The following SHISA6 variants were observed in gnomAD, a reference collection of about 807,000 sequenced individuals.
The protein encoded by SHISA6 is shisa family member 6.
SHISA6 carries 22 observed loss-of-function variants against 47.9 expected under a neutral mutation model. The observed-to-expected ratio is 0.46, with a 90% CI of 0.33 to 0.66. The LOEUF (loss-of-function observed/expected upper bound fraction) is 0.66, where lower values mean the gene tolerates loss of function less well. Among genes scored for constraint, SHISA6 ranks in the 30% least tolerant of loss-of-function variants. The pLI is 0.02. For synonymous variants in SHISA6, 388 were observed against 337.8 expected, an observed-to-expected ratio of 1.15 and a Z score of -1.63; for missense variants, 680 against 764.6, an observed-to-expected ratio of 0.89 and a Z score of 1.30.
chr17:11,477,300 A>G lies in SHISA6; in HGVS notation c.896-74596A>G, dbSNP rs995804418. ...AGTTGGATTAGTATCTACCATATTT[A>G]TTACAGTTTTCTGTGTTGTTCTTTA... On this transcript the variant is annotated intron_variant, in intron 3 of 5. Coordinates refer to ENST00000441885, the MANE Select transcript of SHISA6 (RefSeq NM_207386.4). 1.8e-4 allele frequency among the ~76,000 whole-genome samples: 25 copies of G among 139,410 alleles called. No homozygotes were observed. The South Asian group carries it at 5.1e-3, about 29-fold the overall frequency. The allele number at this position is 139,410 out of a possible 152,430, so 91.5% of individuals were successfully genotyped here.
At chr17:11,290,989 A>G (rs1180764892) in intron 2 of SHISA6, among the ~76,000 whole-genome samples, 2 of 150,870 alleles carry the variant, frequency 1.3e-5, no homozygotes, top group African/African-American at 4.8e-5. Flanking sequence ...TTTAATAATA[A>G]ATTTATTAAT....
intron 2 of SHISA6, among the ~76,000 whole-genome samples, chr17:11,268,814 T>A (rs924181603): frequency 5.9e-5 from 9 of 152,220 alleles, no homozygotes; most frequent in African/African-American, 2.2e-4. Context: ...CAGGGAATGA[T>A]GAAAGATGAC....
chr17:11,508,030 A>G (rs1214111264), intron 3 of SHISA6, among the ~76,000 whole-genome samples: 1 of 152,232 alleles, frequency 6.6e-6, no homozygotes, highest in Non-Finnish European at 1.5e-5. Flanking sequence ...AACTACTTTC[A>G]GACACACCAA....
intron 3 of SHISA6, among the ~76,000 whole-genome samples, chr17:11,399,762 G>C (rs192006179): frequency 6.6e-6 from 1 of 152,104 alleles, no homozygotes; most frequent in African/African-American, 2.4e-5. Flanking sequence ...AGGAGGACAG[G>C]AATCAGAAAA....
intron 2 of SHISA6, among the ~76,000 whole-genome samples, chr17:11,332,432 G>A (rs1410883417): frequency 3.3e-5 from 5 of 152,148 alleles, no homozygotes; most frequent in Admixed American, 2.0e-4. Context: ...GAATAAACAT[G>A]CACTGTAATC....
At chr17:11,419,906 TAGA>T (rs949626151) in intron 3 of SHISA6, among the ~76,000 whole-genome samples, 2 of 152,254 alleles carry the variant, frequency 1.3e-5, no homozygotes, top group African/African-American at 4.8e-5. Context: ...AAAGGTGAAA[TAGA>T]AGAAGTACAA....
intron 3 of SHISA6, among the ~76,000 whole-genome samples, chr17:11,445,178 G>T (rs1915196519): frequency 6.6e-6 from 1 of 152,006 alleles, no homozygotes; most frequent in African/African-American, 2.4e-5. Context: ...TCCTTACATG[G>T]CAGAAAAAAG....
Position 11,379,423 on chromosome 17 carries a change from G to T in SHISA6, c.809G>T (p.Gly270Val). The T allele has an allele frequency of 2.6e-6, 4 of 1,538,284 alleles. No individual in the cohort carries two copies. The highest frequency in any genetic ancestry group is 3.5e-6 in the Non-Finnish European group (4 of 1,141,424). ...CCCCATCTTCTTGCAGGGCATTATG[G>T]GAAGGATGCTTACCGAAGTGGAGGA... Reference protein sequence around the residue: ...RTAKQTPGHYGKDAYRSGGPD... With the variant: ...RTAKQTPGHYVKDAYRSGGPD... Residue 270 changes from glycine (G) to valine (V), a missense_variant, in exon 3 of 6, where the codon GGG becomes GTG. Physicochemically the swap from Gly to Val is moderately radical, Grantham distance 109. Around this residue, in one of 2 missense-constraint regions of SHISA6, gnomAD observed 559 missense variants for 674.1 expected, o/e 0.83. Coordinates refer to ENST00000441885, the MANE Select transcript of SHISA6 (RefSeq NM_207386.4).
Position 11,558,291 on chromosome 17 carries a change from A to C in SHISA6, c.1643A>C (p.Glu548Ala). 1 of 1,538,546 alleles carries C rather than the reference A, an allele frequency of 6.5e-7. No homozygotes were observed. The highest frequency in any genetic ancestry group is 8.7e-7 in the Non-Finnish European group (1 of 1,146,654). ...ACCTGCTACACAGCCAGCAAGACCG[A>C]AGTGACCGTGTGACCGGCGGGGCAG... The part of the protein sequence containing the change: ...HHTCYTASKT[E>A]VTV The change falls in exon 6 of 6, where the codon GAA (glutamate) becomes GCA (alanine). Residue 548 changes from glutamate to alanine, a missense_variant. This residue lies in a region of SHISA6 where 559 missense variants were observed against 674.1 expected (regional missense o/e 0.83). Transcript: ENST00000441885.
At chr17:11,313,092 C>A (rs1461419822) in intron 2 of SHISA6, among the ~76,000 whole-genome samples, 1 of 152,152 alleles carries the variant, frequency 6.6e-6, no homozygotes, top group Non-Finnish European at 1.5e-5. Context: ...TTGTGTAAGC[C>A]AGTTCAAATC....
At chr17:11,446,069 G>C (rs1401085471) in intron 3 of SHISA6, among the ~76,000 whole-genome samples, 1 of 151,972 alleles carries the variant, frequency 6.6e-6, no homozygotes, top group East Asian at 1.9e-4. Flanking sequence ...CTCGTGATCC[G>C]CCCGCCTCGG....
chr17:11,353,961 C>T (rs1007699043), intron 2 of SHISA6, among the ~76,000 whole-genome samples: 2 of 152,076 alleles, frequency 1.3e-5, no homozygotes, highest in African/African-American at 2.4e-5. Context: ...ACCCCCTACT[C>T]CAGGGGTTTC....
rs552938935 is a variant in SHISA6 at position 11,341,853 on chromosome 17, G to C, written c.800-37561G>C. 2.0e-5 allele frequency among the ~76,000 whole-genome samples: 3 copies of C among 152,284 alleles called. No individual in the cohort carries two copies. The South Asian group carries it at 6.2e-4, about 32-fold the overall frequency. The stretch of plus-strand genomic sequence containing the variant: ...GATGTCATTTATAACAGATTATCAG[G>C]AGGAAGACTGTATATTTAGCTACTG... On this transcript the variant is annotated intron_variant, in intron 2 of 5. Transcript: ENST00000441885.
chr17:11,504,044 G>T (rs2071477322), intron 3 of SHISA6, among the ~76,000 whole-genome samples: 2 of 152,196 alleles, frequency 1.3e-5, no homozygotes, highest in Admixed American at 1.3e-4. Flanking sequence ...ACTTATCTGG[G>T]ATGGATGCAT....
rs570074558 is a variant in SHISA6, at chr17:11,494,998, G to A, written c.896-56898G>A. 3.3e-5 allele frequency among the ~76,000 whole-genome samples: 5 copies of A among 152,224 alleles called. No individual in the cohort carries two copies. In the East Asian group the frequency reaches 7.7e-4, roughly 24 times the overall value. On this transcript the variant is annotated intron_variant, in intron 3 of 5. Coordinates refer to ENST00000441885, the MANE Select transcript of SHISA6 (RefSeq NM_207386.4). ...GACCTACCTCCTGATGACAATGGCC[G>A]ACCAGGCTACATCCGCCCAGTCATG...
At chr17:11,413,529 C>A (rs141786643) in intron 3 of SHISA6, among the ~76,000 whole-genome samples, 1 of 152,176 alleles carries the variant, frequency 6.6e-6, no homozygotes, top group African/African-American at 2.4e-5. Flanking sequence ...GGGCATGCAA[C>A]GACCACCATC....
At chr17:11,456,444 T>C (rs927760257) in intron 3 of SHISA6, among the ~76,000 whole-genome samples, 4 of 152,190 alleles carry the variant, frequency 2.6e-5, no homozygotes, top group African/African-American at 9.7e-5. Context: ...AACTGGACCC[T>C]GGGTATGAGC....
At chr17:11,285,835 CTCTT>C (rs1369382153) in intron 2 of SHISA6, among the ~76,000 whole-genome samples, 3 of 149,416 alleles carry the variant, frequency 2.0e-5, no homozygotes, top group East Asian at 1.9e-4. Context: ...CTCTCTCTCT[CTCTT>C]TTTTTTTTTT....
intron 3 of SHISA6, among the ~76,000 whole-genome samples, chr17:11,466,563 C>T (rs1191779557): frequency 1.3e-5 from 2 of 152,152 alleles, no homozygotes; most frequent in Non-Finnish European, 2.9e-5. Context: ...CATTCTGTTC[C>T]CAAGTCACAC....
Sources: gnomAD v4.1 joint callset for allele counts (sites outside exome capture counted in the v4.1 genomes callset) on GRCh38, gnomAD v4.1.1 for gene constraint, gnomAD v4.1.1 regional missense constraint, MANE v1.5 for transcripts, NCBI Gene and HGNC (gene_info 2026-07-23, HGNC 2026-07-21) for gene names.